Variants in PLXDC2 observed in about 807,000 individuals in gnomAD.
The protein encoded by PLXDC2 is plexin domain-containing protein 2.
In PLXDC2, 40 loss-of-function variants were observed where a neutral mutation model predicts 68.9. The ratio of observed to expected loss-of-function variants is 0.58; its 90% CI spans 0.45 to 0.76. PLXDC2 has a LOEUF of 0.76. PLXDC2 is among the 30% of genes least tolerant of loss of function. PLXDC2 has a pLI of 0.00. For synonymous variants in PLXDC2, 243 were observed against 234.2 expected (o/e 1.04, Z -0.34); for missense variants, 644 against 661.9 (o/e 0.97, Z 0.30).
intron 1 of PLXDC2, among the ~76,000 whole-genome samples, chr10:19,836,431 G>T (rs745417831): frequency 6.6e-6 from 1 of 152,088 alleles, no homozygotes; most frequent in Admixed American, 6.6e-5. Context: ...CTTTAAAAAG[G>T]CTTTCTTTTA....
chr10:20,223,176 C>G (rs1482177599), intron 12 of PLXDC2, among the ~76,000 whole-genome samples: 1 of 152,002 alleles, frequency 6.6e-6, no homozygotes, highest in African/African-American at 2.4e-5. Context: ...TCTTTATAGA[C>G]AAGGAAACAG....
intron 1 of PLXDC2, among the ~76,000 whole-genome samples, chr10:19,940,140 A>T (rs1374705171): frequency 6.6e-6 from 1 of 151,786 alleles, no homozygotes; most frequent in Non-Finnish European, 1.5e-5. Context: ...CATGTGCTGG[A>T]AATGGAAGGT....
intron 1 of PLXDC2, among the ~76,000 whole-genome samples, chr10:19,907,023 A>C (rs1267484825): frequency 6.6e-6 from 1 of 152,174 alleles, no homozygotes; most frequent in Non-Finnish European, 1.5e-5. Context: ...CATGCATGCA[A>C]CTGATCAATA....
chr10:20,210,005 G>T (rs1295501768), intron 9 of PLXDC2, among the ~76,000 whole-genome samples: 2 of 152,102 alleles, frequency 1.3e-5, no homozygotes, highest in African/African-American at 4.8e-5. Flanking sequence ...GCTTCAGCCG[G>T]TCCCTCTGTT....
intron 1 of PLXDC2, among the ~76,000 whole-genome samples, chr10:19,837,385 TGA>T (rs149222127): frequency 0.1 from 14,075 of 138,678 alleles, 835 homozygotes; most frequent in Middle Eastern, 0.15. Flanking sequence ...ATTGAGTAAG[TGA>T]GAGAGAGAGA....
At chr10:20,209,689 A>G (rs959249648) in intron 9 of PLXDC2, among the ~76,000 whole-genome samples, 1 of 152,006 alleles carries the variant, frequency 6.6e-6, no homozygotes, top group African/African-American at 2.4e-5. Flanking sequence ...TCTTTTCTCA[A>G]GGCGCCCAGA....
At chr10:19,863,723 T>A (rs12573769) in intron 1 of PLXDC2, among the ~76,000 whole-genome samples, 12,878 of 152,244 alleles carry the variant, frequency 0.085, 650 homozygotes, top group East Asian at 0.13. Flanking sequence ...CATTTTTTTA[T>A]GTCAGTTCAA....
intron 8 of PLXDC2, 33 bp from the exon 9 acceptor site, chr10:20,177,295 G>A (rs1834540358): frequency 2.6e-6 from 4 of 1,523,578 alleles, no homozygotes; most frequent in Admixed American, 3.3e-5. Context: ...TTGCCTGTTA[G>A]TCTTGGTGAA....
chr10:20,164,643 T>A, intron 7 of PLXDC2, 76 bp downstream of exon 7: 2 of 1,100,446 alleles, frequency 1.8e-6, no homozygotes, highest in Non-Finnish European at 2.8e-6. Context: ...CTATGGCAGC[T>A]GTACCTGAAT....
chr10:19,960,764 A>G (rs1834143176), intron 1 of PLXDC2, among the ~76,000 whole-genome samples: 1 of 152,232 alleles, frequency 6.6e-6, no homozygotes. Context: ...TATTACAATA[A>G]ACATTTCATA....
intron 3 of PLXDC2, among the ~76,000 whole-genome samples, chr10:20,054,374 A>G (rs113960291): frequency 1.3e-3 from 192 of 152,152 alleles, no homozygotes; most frequent in African/African-American, 4.4e-3. Context: ...CTCTCAGATC[A>G]ATAAATTTGT....
At chr10:20,104,883 T>C (rs920577637) in intron 4 of PLXDC2, among the ~76,000 whole-genome samples, 1 of 151,798 alleles carries the variant, frequency 6.6e-6, no homozygotes, top group Non-Finnish European at 1.5e-5. Context: ...AAACTCTGTC[T>C]CTACTAAAAA....
At chr10:20,158,079 T>A (rs1834240308) in intron 6 of PLXDC2, among the ~76,000 whole-genome samples, 1 of 152,082 alleles carries the variant, frequency 6.6e-6, no homozygotes, top group Non-Finnish European at 1.5e-5. Context: ...AAAAAAAACT[T>A]CTGTAGTTTA....
intron 1 of PLXDC2, among the ~76,000 whole-genome samples, chr10:19,955,975 A>T (rs1834063074): frequency 1.3e-5 from 2 of 152,142 alleles, no homozygotes; most frequent in African/African-American, 4.8e-5. Context: ...GCTACTTGGG[A>T]GGCTGAGACA....
intron 1 of PLXDC2, 79 bp downstream of exon 1, chr10:19,817,270 T>TC: frequency 1.7e-6 from 2 of 1,152,870 alleles, no homozygotes; most frequent in Non-Finnish European, 2.5e-6. Flanking sequence ...CCCTACCCTC[T>TC]CCCCCCAACA....
At chr10:20,260,273 C>A (rs1336532254) in intron 13 of PLXDC2, among the ~76,000 whole-genome samples, 1 of 152,162 alleles carries the variant, frequency 6.6e-6, no homozygotes, top group Non-Finnish European at 1.5e-5. Context: ...CTGTAGTCCT[C>A]ATGCTGTCAT....
intron 9 of PLXDC2, among the ~76,000 whole-genome samples, chr10:20,182,809 A>G (rs530274468): frequency 6.6e-6 from 1 of 151,906 alleles, no homozygotes; most frequent in South Asian, 2.1e-4. Context: ...TAAGCCCTGC[A>G]TGCATTACAT....
chr10:20,211,519 C>T, intron 9 of PLXDC2, 150 bp from the exon 10 acceptor site: 1 of 621,702 alleles, frequency 1.6e-6, no homozygotes, highest in East Asian at 2.8e-5. Flanking sequence ...TTCCCTGCTT[C>T]TCCAGTTGCG....
chr10:20,140,775 T>G (rs1833996275), intron 4 of PLXDC2, among the ~76,000 whole-genome samples: 1 of 152,092 alleles, frequency 6.6e-6, no homozygotes, highest in Non-Finnish European at 1.5e-5. Context: ...ATAAGTAACT[T>G]TCAATATGAC....
Sources: gnomAD v4.1 joint callset for allele counts (sites outside exome capture counted in the v4.1 genomes callset) on GRCh38, gnomAD v4.1.1 for gene constraint, MANE v1.5 for transcripts, NCBI Gene and HGNC (gene_info 2026-07-23, HGNC 2026-07-21) for gene names.